The following SLIT3 variants were observed in gnomAD, a reference collection of about 807,000 sequenced individuals.
SLIT3 encodes the protein slit homolog 3 protein.
In SLIT3, 68 loss-of-function variants were observed where a neutral mutation model predicts 184.0. The ratio of observed to expected loss-of-function variants is 0.37; its 90% confidence interval spans 0.30 to 0.45. SLIT3 has a LOEUF of 0.45. Among genes scored for constraint, SLIT3 ranks in the 20% least tolerant of loss-of-function variants. The probability of loss-of-function intolerance (pLI) is 1.00; values close to 1 mark genes in which losing one functional copy is unlikely to be tolerated. For missense variants in SLIT3, 1,707 were observed against 2,026.0 expected (o/e 0.84, Z 3.02); for synonymous variants, 831 against 828.6 (o/e 1.00, Z -0.05).
chr5:168,917,008 TG>T (rs2113106869), intron 4 of SLIT3, among the ~76,000 whole-genome samples: 1 of 152,282 alleles, frequency 6.6e-6, no homozygotes, highest in African/African-American at 2.4e-5. Flanking sequence ...GGGAATTCCT[TG>T]TCATACAACA....
intron 28 of SLIT3, among the ~76,000 whole-genome samples, chr5:168,695,854 A>G (rs965082477): frequency 1.3e-5 from 2 of 152,294 alleles, no homozygotes; most frequent in East Asian, 3.9e-4. Flanking sequence ...TAAACTTCTT[A>G]TGAGAAGGAA....
chr5:168,708,409 AC>A, intron 25 of SLIT3: 1 of 411,316 alleles, frequency 2.4e-6, no homozygotes. Context: ...ATAATTAGAA[AC>A]CCCCTGTGTA....
At chr5:169,245,642 A>C (rs1765563799) in intron 2 of SLIT3, among the ~76,000 whole-genome samples, 1 of 152,194 alleles carries the variant, frequency 6.6e-6, no homozygotes, top group Non-Finnish European at 1.5e-5. Context: ...TTCTTTAGAA[A>C]GTGGAGTTTC....
At position 168,732,679 on chromosome 5, in the gene SLIT3, T is replaced by C. The variant is rs549574677; in HGVS notation, c.2271-8195A>G. On this transcript the variant is annotated intron_variant, in intron 20 of 35. Transcript: ENST00000519560. ...AAAAATAAAGCCACATTCCTACAAC[T>C]AACTGATCTTCACCAAAGCCAAAAA... 3.2e-3 allele frequency among the ~76,000 whole-genome samples: 483 copies of C among 152,098 alleles called. 3 individuals are homozygous for C. Among genetic ancestry groups the C allele is most frequent in the African/African-American group, 0.011 (470 of 41,524 alleles).
At chr5:169,075,606 G>A (rs935351719) in intron 4 of SLIT3, among the ~76,000 whole-genome samples, 1 of 152,156 alleles carries the variant, frequency 6.6e-6, no homozygotes. Flanking sequence ...GTGATGGGTT[G>A]CCTGAGCCTG....
intron 4 of SLIT3, among the ~76,000 whole-genome samples, chr5:169,158,726 G>A (rs1179932966): frequency 6.6e-6 from 1 of 152,118 alleles, no homozygotes; most frequent in Non-Finnish European, 1.5e-5. Flanking sequence ...CTACACTTCA[G>A]TTTAACTAGT....
chr5:168,804,330 A>AC (rs1554143154), intron 9 of SLIT3, among the ~76,000 whole-genome samples: 1 of 129,122 alleles, frequency 7.7e-6, no homozygotes, highest in Non-Finnish European at 1.7e-5. Flanking sequence ...AAAAAAAAAA[A>AC]AAAAAAAAAG....
intron 12 of SLIT3, among the ~76,000 whole-genome samples, chr5:168,778,403 G>A: frequency 6.6e-6 from 1 of 152,308 alleles, no homozygotes; most frequent in African/African-American, 2.4e-5. Context: ...CTATGTGTGA[G>A]GAGTGGCTAT....
chr5:169,246,066 T>C (rs1765577404), intron 2 of SLIT3, among the ~76,000 whole-genome samples: 1 of 152,214 alleles, frequency 6.6e-6, no homozygotes, highest in Non-Finnish European at 1.5e-5. Context: ...TTGGGCTCGA[T>C]GATATTTTAC....
At chr5:169,056,361 T>C (rs1413365168) in intron 4 of SLIT3, among the ~76,000 whole-genome samples, 1 of 152,202 alleles carries the variant, frequency 6.6e-6, no homozygotes, top group Non-Finnish European at 1.5e-5. Context: ...ATTATGCCAG[T>C]TTTTGTTCCT....
chr5:169,114,933 C>T (rs1760598430), intron 4 of SLIT3, among the ~76,000 whole-genome samples: 1 of 152,190 alleles, frequency 6.6e-6, no homozygotes, highest in Non-Finnish European at 1.5e-5. Context: ...AAACATTATC[C>T]ACCTCAGCAT....
chr5:168,946,892 T>C (rs1301656656), intron 4 of SLIT3, among the ~76,000 whole-genome samples: 1 of 152,166 alleles, frequency 6.6e-6, no homozygotes, highest in Non-Finnish European at 1.5e-5. Flanking sequence ...TTTTATCAGC[T>C]CCATCTGATG....
chr5:168,722,105 A>T, intron 23 of SLIT3, 151 bp downstream of exon 23: 1 of 672,702 alleles, frequency 1.5e-6, no homozygotes, highest in Non-Finnish European at 2.6e-6. Flanking sequence ...AGCTCTCTCT[A>T]CTCCACTGAG....
At chr5:168,930,661 T>C (rs1761960339) in intron 4 of SLIT3, among the ~76,000 whole-genome samples, 1 of 152,102 alleles carries the variant, frequency 6.6e-6, no homozygotes, top group Non-Finnish European at 1.5e-5. Context: ...GCTGTTATTA[T>C]GATTAGGAAG....
chr5:169,299,664 A>G (rs1050875468), intron 1 of SLIT3, among the ~76,000 whole-genome samples: 4 of 152,178 alleles, frequency 2.6e-5, no homozygotes, highest in African/African-American at 4.8e-5. Context: ...AAAATGATAA[A>G]TGTTTCCAAA....
rs543480716 is a variant in SLIT3, at chr5:168,878,414, C to G, written c.485+4851G>C. Reference sequence around the variant, plus strand: ...ACAGGGCTCAGAGGCCGCCTGCGTCCTTTCTCTGGGCTCTGATAAAAGTTG... The same window carrying G: ...ACAGGGCTCAGAGGCCGCCTGCGTCGTTTCTCTGGGCTCTGATAAAAGTTG... On this transcript the variant is annotated intron_variant, in intron 5 of 35. Transcript: ENST00000519560. Among the ~76,000 whole-genome samples, 52 of 152,334 alleles carry G rather than the reference C, an allele frequency of 3.4e-4. 2 individuals are homozygous for G. Among genetic ancestry groups the G allele is most frequent in the Admixed American group, 1.6e-3 (25 of 15,300 alleles).
chr5:168,742,908 C>A (rs1285472479), intron 20 of SLIT3, among the ~76,000 whole-genome samples: 1 of 151,656 alleles, frequency 6.6e-6, no homozygotes, highest in Non-Finnish European at 1.5e-5. Flanking sequence ...GTGGGCAGAT[C>A]CCAAGGTCAA....
chr5:169,170,657 C>T (rs537376399), intron 4 of SLIT3, among the ~76,000 whole-genome samples: 161 of 152,258 alleles, frequency 1.1e-3, no homozygotes, highest in African/African-American at 3.8e-3. Flanking sequence ...GCCACCAGAG[C>T]GCCCAATTTG....
chr5:169,213,232 A>T (rs1007605392), intron 3 of SLIT3, among the ~76,000 whole-genome samples: 4 of 151,486 alleles, frequency 2.6e-5, no homozygotes, highest in Admixed American at 2.0e-4. Context: ...AGAGAAAAAA[A>T]ATACCTAGGA....
Sources: allele counts gnomAD v4.1 joint callset (sites outside exome capture counted in the v4.1 genomes callset), GRCh38; gene constraint gnomAD v4.1.1; transcripts MANE v1.5; gene names NCBI Gene and HGNC (gene_info 2026-07-23, HGNC 2026-07-21).